The following HTT variants were observed in gnomAD, a reference collection of about 807,000 sequenced individuals.
HTT encodes huntington disease protein.
A neutral mutation model predicts 362.3 loss-of-function variants in HTT; 104 were observed. The observed-to-expected ratio is 0.29, with a 90% CI of 0.24 to 0.34. HTT has a LOEUF of 0.34. Ranked by LOEUF, HTT falls within the 10% of genes least tolerant of loss-of-function variation. HTT has a pLI of 1.00. For synonymous variants in HTT, 1,577 were observed against 1,548.7 expected, an observed-to-expected ratio of 1.02 and a Z score of -0.43; for missense variants, 3,301 against 3,928.6, an observed-to-expected ratio of 0.84 and a Z score of 4.27.
Position 3,146,897 on chromosome 4 carries a change from G to C in HTT, c.3244G>C (p.Asp1082His), listed in dbSNP as rs1065746. Residue 1082 changes from aspartate to histidine, a missense_variant, in exon 25 of 67, where the codon GAT (aspartate) becomes CAT (histidine). By Grantham distance (81) the Asp-to-His change is moderately conservative. Around this residue, in one of 4 missense-constraint regions of HTT, gnomAD observed 2,316 missense variants for 2,658.5 expected, o/e 0.87. Transcript: ENST00000355072. ...GCTCTCGTCAGCTTGGTTCCCATTGGATCTCTCAGCCCATCAAGATGCTTT... is the reference window on the plus strand; with the variant it reads ...GCTCTCGTCAGCTTGGTTCCCATTGCATCTCTCAGCCCATCAAGATGCTTT... ...TLLSSAWFPL[D>H]LSAHQDALIL... 1.7e-3 allele frequency: 2,735 copies of C among 1,614,136 alleles called. 3 individuals carry two copies. The highest frequency in any genetic ancestry group is 2.1e-3 in the Non-Finnish European group (2,459 of 1,180,020).
chr4:3,163,354 C>T (rs548113899), intron 29 of HTT, among the ~76,000 whole-genome samples: 24 of 152,112 alleles, frequency 1.6e-4, no homozygotes, highest in Non-Finnish European at 2.8e-4. Context: ...ATTTTCACAT[C>T]GATGTTCATC....
intron 21 of HTT, among the ~76,000 whole-genome samples, chr4:3,137,797 G>T (rs1016500188): frequency 6.6e-6 from 1 of 152,150 alleles, no homozygotes; most frequent in Non-Finnish European, 1.5e-5. Context: ...TTGTGAGATT[G>T]GTTCTTGTTG....
At chr4:3,136,058 A>G (rs969435167) in intron 20 of HTT, 91 bp downstream of exon 20, 11 of 954,538 alleles carry the variant, frequency 1.2e-5, no homozygotes, top group African/African-American at 6.6e-5. Flanking sequence ...TGCATTCGTC[A>G]TGTTTTAGAT....
At chr4:3,075,641 G>A in intron 1 of HTT, among the ~76,000 whole-genome samples, 1 of 130,754 alleles carries the variant, frequency 7.6e-6, no homozygotes, top group Non-Finnish European at 1.7e-5. Context: ...GGCGGGAGTG[G>A]CGGGGCAGGG....
At chr4:3,167,477 CTA>C (rs1184175288) in intron 29 of HTT, among the ~76,000 whole-genome samples, 1 of 151,962 alleles carries the variant, frequency 6.6e-6, no homozygotes, top group Non-Finnish European at 1.5e-5. Context: ...ATGGAAAATA[CTA>C]TATGTTTTAA....
chr4:3,228,753 A>AT lies in HTT; in HGVS notation c.7979+8_7979+9insT. 1 of 1,575,502 alleles carries AT rather than the reference A, an allele frequency of 6.3e-7. No homozygotes were observed. Among genetic ancestry groups the AT allele is most frequent in the South Asian group, 1.2e-5 (1 of 86,404 alleles). ...GTCTCCAGTCAACTCCAGGTTTTCC[A>AT]ATGGCCTTTTTCTTTTTAACAGAAA... On this transcript the variant is annotated intron_variant, in intron 58 of 66. Coordinates refer to ENST00000355072, the MANE Select transcript of HTT (RefSeq NM_001388492.1). This position sits in a 1 kb window ranked among gnomAD's most constrained non-coding sequence, Gnocchi z 4.3.
chr4:3,235,105 A>G (rs1197475912), intron 61 of HTT, among the ~76,000 whole-genome samples, 179 bp from the exon 62 acceptor site: 6 of 152,124 alleles, frequency 3.9e-5, no homozygotes, highest in Non-Finnish European at 8.8e-5. Context: ...GGAGTGGTCA[A>G]GCAGAGGCTG....
At chr4:3,150,423 A>G (rs1033751358) in intron 26 of HTT, among the ~76,000 whole-genome samples, 6 of 152,172 alleles carry the variant, frequency 3.9e-5, no homozygotes, top group South Asian at 4.1e-4. Context: ...GGGACCTCAG[A>G]GGACCTGTCT....
chr4:3,166,451 A>G (rs967567234), intron 29 of HTT, among the ~76,000 whole-genome samples: 2 of 152,146 alleles, frequency 1.3e-5, no homozygotes, highest in Non-Finnish European at 2.9e-5. Flanking sequence ...CTCTCTTCAG[A>G]GCTGTCAGGC....
At chr4:3,237,566 C>T (rs1313223899) in intron 64 of HTT, among the ~76,000 whole-genome samples, 1 of 152,048 alleles carries the variant, frequency 6.6e-6, no homozygotes, top group East Asian at 1.9e-4. Flanking sequence ...TTCCGCTTGA[C>T]CGCTCTCCAG....
In HTT at chr4:3,074,876, CCAGCAGCAGCAGCAGCAGCAGCAG is replaced by C. The variant is rs71180116; in HGVS notation, c.87_110del (p.Gln31_Gln38del). 427 of 1,357,636 alleles carry C rather than the reference CCAGCAGCAGCAGCAGCAGCAGCAG, an allele frequency of 3.1e-4. No individual in the cohort carries two copies. Among genetic ancestry groups the C allele is most frequent in the Middle Eastern group, 1.5e-3 (6 of 4,050 alleles). 84.1% of individuals were successfully genotyped at this position (1,357,636 alleles called of 1,614,324 possible). Reference sequence around the variant, plus strand: ...AGGCCTTCGAGTCCCTCAAGTCCTTCCAGCAGCAGCAGCAGCAGCAGCAGCAGCAGCAGCAGCAGCAGCAGCAGC... The same window carrying C: ...AGGCCTTCGAGTCCCTCAAGTCCTTCCAGCAGCAGCAGCAGCAGCAGCAGC... On this transcript the variant is annotated inframe_deletion, in exon 1 of 67. Transcript: ENST00000355072.
chr4:3,233,229 A>G lies in HTT; in HGVS notation c.8332A>G (p.Ser2778Gly), dbSNP rs774248073. 5.0e-6 allele frequency: 8 copies of G among 1,605,740 alleles called. No individual in the cohort carries two copies. In the Admixed American group the frequency reaches 1.0e-4, roughly 20 times the overall value. The change falls in exon 61 of 67, where the codon AGC becomes GGC. Residue 2778 changes from serine (S) to glycine (G), a missense_variant. By Grantham distance (56) the Ser-to-Gly change is moderately conservative. Coordinates refer to ENST00000355072, the MANE Select transcript of HTT (RefSeq NM_001388492.1). Reference sequence around the variant, plus strand: ...CACGCTCAGGAGCAGCCACCTGCCCAGCAGGGTTGGAGCCCTGCACGGCGT... The same window carrying G: ...CACGCTCAGGAGCAGCCACCTGCCCGGCAGGGTTGGAGCCCTGCACGGCGT... ...ESTLRSSHLPSRVGALHGVLY... is the reference protein window; with the variant it reads ...ESTLRSSHLPGRVGALHGVLY...
At chr4:3,201,529 CAAAAAAA>C (rs925357780) in intron 41 of HTT, among the ~76,000 whole-genome samples, 41 of 61,688 alleles carry the variant, frequency 6.6e-4, no homozygotes, top group African/African-American at 1.9e-3. Flanking sequence ...GACTCCATCT[CAAAAAAA>C]AAAAAAAAAA....
At chr4:3,167,287 A>G (rs1717765026) in intron 29 of HTT, among the ~76,000 whole-genome samples, 1 of 152,040 alleles carries the variant, frequency 6.6e-6, no homozygotes, top group Admixed American at 6.6e-5. Flanking sequence ...TGGCCAGGCT[A>G]GTCTCGAACT....
chr4:3,118,531 G>A (rs191820167), intron 8 of HTT, among the ~76,000 whole-genome samples: 1 of 152,264 alleles, frequency 6.6e-6, no homozygotes, highest in Admixed American at 6.5e-5. Context: ...AGGAGTGAAA[G>A]GGTGAGACAG....
chr4:3,134,669 A>AGTGATT (rs1715978217), intron 19 of HTT, 129 bp downstream of exon 19: 1 of 757,424 alleles, frequency 1.3e-6, no homozygotes, highest in African/African-American at 1.8e-5. Context: ...GGTAGATGAC[A>AGTGATT]GTGATTTTCT....
At chr4:3,199,001 T>C (rs894579162) in intron 40 of HTT, among the ~76,000 whole-genome samples, 2 of 152,200 alleles carry the variant, frequency 1.3e-5, no homozygotes, top group African/African-American at 4.8e-5. Context: ...CCAGGAGCTG[T>C]TGAGTTTGGC....
chr4:3,121,197 G>A (rs916369224), intron 8 of HTT, 31 bp from the exon 9 acceptor site: 1 of 1,557,358 alleles, frequency 6.4e-7, no homozygotes, highest in African/African-American at 1.4e-5. Flanking sequence ...TATAAACTCT[G>A]ACCAGAACAC....
intron 2 of HTT, among the ~76,000 whole-genome samples, chr4:3,098,006 A>G (rs1006095215): frequency 2.6e-5 from 4 of 152,260 alleles, no homozygotes; most frequent in Non-Finnish European, 4.4e-5. Flanking sequence ...ACATGTTGAA[A>G]TAATACTTTG....
Sources: allele counts gnomAD v4.1 joint callset (sites outside exome capture counted in the v4.1 genomes callset), GRCh38; gene constraint gnomAD v4.1.1; regional missense constraint gnomAD v4.1.1; non-coding constraint Gnocchi (gnomAD v3.1); transcripts MANE v1.5; gene names NCBI Gene and HGNC (gene_info 2026-07-23, HGNC 2026-07-21).